ACAD11: variants seen among roughly 807,000 people sequenced by gnomAD.
The protein encoded by ACAD11 is acyl-Coenzyme A dehydrogenase family, member 11.
ACAD11 carries 83 observed loss-of-function variants against 102.2 expected under a neutral mutation model. The observed-to-expected ratio is 0.81, with a 90% CI of 0.68 to 0.97. The LOEUF (loss-of-function observed/expected upper bound fraction) is 0.97. ACAD11 is among the 50% of genes least tolerant of loss of function. ACAD11 has a pLI of 0.00. For missense variants in ACAD11, 901 were observed against 951.7 expected (o/e 0.95, Z 0.70); for synonymous variants, 324 against 319.8 (o/e 1.01, Z -0.14).
chr3:132,575,435 T>C (rs1262808779), intron 17 of ACAD11, among the ~76,000 whole-genome samples: 1 of 152,184 alleles, frequency 6.6e-6, no homozygotes, highest in Non-Finnish European at 1.5e-5. Context: ...AGGAAACCAA[T>C]GGACAAGGCA....
intron 13 of ACAD11, among the ~76,000 whole-genome samples, chr3:132,588,632 C>G (rs1327172440): frequency 2.0e-5 from 3 of 152,100 alleles, no homozygotes; most frequent in Non-Finnish European, 4.4e-5. Flanking sequence ...GGCTTTAAAA[C>G]TGTTGCTTAT....
intron 1 of ACAD11, chr3:132,648,550 A>G (rs79496331): frequency 2.1e-5 from 3 of 144,764 alleles, no homozygotes; most frequent in Non-Finnish European, 3.1e-5. Flanking sequence ...AAGGAACTGG[A>G]AAAAAAAAAA....
intron 9 of ACAD11, among the ~76,000 whole-genome samples, chr3:132,620,083 G>A (rs1423146826): frequency 6.6e-6 from 1 of 152,172 alleles, no homozygotes; most frequent in Non-Finnish European, 1.5e-5. Context: ...CAAGAGGGAG[G>A]ATCAAAGATC....
At chr3:132,641,634 A>AAGAAGAGG (rs1940515375) in intron 4 of ACAD11, among the ~76,000 whole-genome samples, 2 of 150,310 alleles carry the variant, frequency 1.3e-5, no homozygotes, top group African/African-American at 4.9e-5. Flanking sequence ...GAAGAGGAGG[A>AAGAAGAGG]AGAAGAGGAA....
intron 16 of ACAD11, among the ~76,000 whole-genome samples, chr3:132,576,264 A>T (rs970876405): frequency 6.6e-6 from 1 of 152,232 alleles, no homozygotes; most frequent in Non-Finnish European, 1.5e-5. Flanking sequence ...GGGTAAGGGT[A>T]AGAGATACAG....
chr3:132,572,811 T>C (rs1937419928), intron 17 of ACAD11, among the ~76,000 whole-genome samples: 1 of 152,222 alleles, frequency 6.6e-6, no homozygotes, highest in Non-Finnish European at 1.5e-5. Flanking sequence ...ATTCAATAAA[T>C]GGTGCTGGGA....
chr3:132,615,496 T>C (rs1939369045), intron 11 of ACAD11, among the ~76,000 whole-genome samples: 1 of 151,990 alleles, frequency 6.6e-6, no homozygotes, highest in Non-Finnish European at 1.5e-5. Context: ...TATGCAGCCA[T>C]AAAAAAGGGA....
At chr3:132,615,935 T>C (rs1939390349) in intron 11 of ACAD11, among the ~76,000 whole-genome samples, 1 of 152,212 alleles carries the variant, frequency 6.6e-6, no homozygotes, top group African/African-American at 2.4e-5. Context: ...AAGGGCAAAC[T>C]GGAAGACTAC....
Position 132,558,985 on chromosome 3 carries a change from T to A in ACAD11, c.2329A>T (p.Thr777Ser), listed in dbSNP as rs764563198. The A allele has an allele frequency of 6.2e-7, 1 of 1,613,044 alleles. No individual in the cohort carries two copies. ...MELRDQAKRL[T>S]AKI is the part of the protein sequence containing the mutation. Reference sequence around the variant, plus strand: ...TGCCACCCTCCTTATATCTTGGCTGTCAGTCTTTTGGCTTGGTCCCGCAGC... The same window carrying A: ...TGCCACCCTCCTTATATCTTGGCTGACAGTCTTTTGGCTTGGTCCCGCAGC... The change falls in exon 20 of 20, where the codon ACA (threonine) becomes TCA (serine). Residue 777 changes from threonine (T) to serine (S), a missense_variant. Transcript: ENST00000264990.
chr3:132,578,647 T>C, intron 15 of ACAD11, 149 bp downstream of exon 15: 1 of 707,996 alleles, frequency 1.4e-6, no homozygotes, highest in African/African-American at 1.8e-5. Context: ...TACTCTGAAC[T>C]CCACCAGCAT....
chr3:132,575,478 C>T (rs555854852), intron 17 of ACAD11, among the ~76,000 whole-genome samples: 10 of 152,224 alleles, frequency 6.6e-5, no homozygotes, highest in Admixed American at 3.9e-4. Context: ...TCCTTCATGT[C>T]CACAGGGAGC....
chr3:132,610,653 C>T (rs942671728), intron 11 of ACAD11, among the ~76,000 whole-genome samples: 6 of 152,122 alleles, frequency 3.9e-5, no homozygotes, highest in African/African-American at 1.4e-4. Flanking sequence ...GACACATACA[C>T]CCTCCCAAGA....
At chr3:132,586,871 T>C (rs945268452) in intron 13 of ACAD11, among the ~76,000 whole-genome samples, 1 of 152,240 alleles carries the variant, frequency 6.6e-6, no homozygotes, top group Admixed American at 6.5e-5. Context: ...GGTGGGCGGA[T>C]CACCTGAGGC....
At chr3:132,652,493 G>A (rs1196438226) in intron 1 of ACAD11, among the ~76,000 whole-genome samples, 1 of 152,074 alleles carries the variant, frequency 6.6e-6, no homozygotes, top group Non-Finnish European at 1.5e-5. Flanking sequence ...TACACCTTCA[G>A]TATACTTCAC....
chr3:132,655,949 T>A (rs1294398952), intron 1 of ACAD11, among the ~76,000 whole-genome samples: 1 of 152,244 alleles, frequency 6.6e-6, no homozygotes, highest in East Asian at 1.9e-4. Flanking sequence ...AGAGTATTTA[T>A]GAAATTGGTA....
At chr3:132,594,961 T>C (rs1477098870) in intron 13 of ACAD11, among the ~76,000 whole-genome samples, 1 of 152,194 alleles carries the variant, frequency 6.6e-6, no homozygotes, top group Non-Finnish European at 1.5e-5. Context: ...TCGGGATATA[T>C]CAATGAACAA....
chr3:132,577,254 T>A (rs1937536836), intron 15 of ACAD11, among the ~76,000 whole-genome samples: 1 of 152,138 alleles, frequency 6.6e-6, no homozygotes, highest in African/African-American at 2.4e-5. Context: ...TTCTCTGAAG[T>A]ACAATTTCAG....
At chr3:132,626,921 TC>T in intron 8 of ACAD11, 104 bp from the exon 9 acceptor site, 1 of 1,132,494 alleles carries the variant, frequency 8.8e-7, no homozygotes, top group Non-Finnish European at 1.2e-6. Flanking sequence ...CCAAAAAACA[TC>T]CCCCAGAAGG....
chr3:132,615,608 T>A (rs145057841), intron 11 of ACAD11, among the ~76,000 whole-genome samples: 109 of 152,194 alleles, frequency 7.2e-4, no homozygotes, highest in Non-Finnish European at 9.4e-4. Flanking sequence ...TTCTCACTCA[T>A]AAGTAGGAGC....
Sources: allele counts gnomAD v4.1 joint callset (sites outside exome capture counted in the v4.1 genomes callset), GRCh38; gene constraint gnomAD v4.1.1; transcripts MANE v1.5; gene names NCBI Gene and HGNC (gene_info 2026-07-23, HGNC 2026-07-21).